ARMH3: variants seen among roughly 807,000 people sequenced by gnomAD.
ARMH3 encodes the protein armadillo like helical domain containing 3.
Under a neutral mutation model 99.1 loss-of-function variants are expected in ARMH3, and 60 were observed. The observed-to-expected ratio is 0.61, with a 90% confidence interval of 0.49 to 0.75. ARMH3 has a LOEUF of 0.75. Ranked by LOEUF, ARMH3 falls within the 30% of genes least tolerant of loss-of-function variation. The pLI is 0.00. For synonymous variants in ARMH3, 285 were observed against 292.8 expected (o/e 0.97, Z 0.27); for missense variants, 679 against 843.1 (o/e 0.81, Z 2.41).
chr10:101,995,827 G>A (rs777617459), intron 15 of ARMH3, among the ~76,000 whole-genome samples: 2 of 152,158 alleles, frequency 1.3e-5, no homozygotes, highest in East Asian at 1.9e-4. Context: ...GGAGACTAGG[G>A]TCCAGCCCAC....
At position 101,956,599 on chromosome 10, in the gene ARMH3, A is replaced by T; in HGVS notation, c.1703T>A (p.Met568Lys). 6.2e-7 allele frequency: 1 copy of T among 1,612,214 alleles called. No individual in the cohort carries two copies. The highest frequency in any genetic ancestry group is 8.5e-7 in the Non-Finnish European group (1 of 1,178,640). The change falls in exon 22 of 26, where the codon ATG becomes AAG. Residue 568 changes from methionine to lysine, a missense_variant and splice_region_variant. Met to Lys is a moderately conservative substitution (Grantham distance 95). Coordinates refer to ENST00000370033, the MANE Select transcript of ARMH3 (RefSeq NM_024541.3). ...AGTAAAAAGAAAAGGCAGCTTACCC[A>T]TGGAGTAGAGGTTGTCAAAGCTCTG... ...MHQSFDNLYS[M>K]VLRLSTNAGQ...
At chr10:101,866,840 A>G (rs941680668) in intron 24 of ARMH3, among the ~76,000 whole-genome samples, 1 of 152,234 alleles carries the variant, frequency 6.6e-6, no homozygotes, top group Non-Finnish European at 1.5e-5. Flanking sequence ...GAGGCAACAG[A>G]TGAATTTCTA....
chr10:101,999,500 C>A (rs953076003), intron 15 of ARMH3, among the ~76,000 whole-genome samples: 1 of 151,976 alleles, frequency 6.6e-6, no homozygotes, highest in African/African-American at 2.4e-5. Context: ...CCAAAAAATC[C>A]TTTTAAATAG....
intron 24 of ARMH3, among the ~76,000 whole-genome samples, chr10:101,854,613 T>G (rs2066688002): frequency 6.6e-6 from 1 of 152,178 alleles, no homozygotes; most frequent in Non-Finnish European, 1.5e-5. Context: ...AAGTGGGCAA[T>G]GTTTGGGAAG....
At chr10:101,897,009 G>C (rs749087304) in intron 23 of ARMH3, among the ~76,000 whole-genome samples, 3 of 152,196 alleles carry the variant, frequency 2.0e-5, no homozygotes, top group Non-Finnish European at 4.4e-5. Flanking sequence ...AGGATGTTGA[G>C]GGGGGTGGCA....
chr10:101,861,515 G>A (rs558584067), intron 24 of ARMH3, among the ~76,000 whole-genome samples: 4 of 152,154 alleles, frequency 2.6e-5, no homozygotes, highest in Admixed American at 6.5e-5. Flanking sequence ...GACGGATCAC[G>A]AGGGCAGGAG....
chr10:102,035,336 G>C (rs2136220046), intron 2 of ARMH3, among the ~76,000 whole-genome samples: 1 of 152,178 alleles, frequency 6.6e-6, no homozygotes, highest in African/African-American at 2.4e-5. Flanking sequence ...CTACACTCCG[G>C]CCTGGGCAAC....
At chr10:102,023,953 A>G (rs1223216885) in intron 6 of ARMH3, among the ~76,000 whole-genome samples, 1 of 152,068 alleles carries the variant, frequency 6.6e-6, no homozygotes, top group Non-Finnish European at 1.5e-5. Flanking sequence ...AAAACTTCCT[A>G]AGTCTTTGAA....
At chr10:101,886,579 C>T (rs1167712278) in intron 24 of ARMH3, among the ~76,000 whole-genome samples, 1 of 152,136 alleles carries the variant, frequency 6.6e-6, no homozygotes, top group East Asian at 1.9e-4. Context: ...AAAACTTTAT[C>T]ACGAATGATG....
At chr10:102,027,131 T>C (rs889168240) in intron 5 of ARMH3, among the ~76,000 whole-genome samples, 1 of 151,840 alleles carries the variant, frequency 6.6e-6, no homozygotes, top group African/African-American at 2.4e-5. Context: ...ATACAAAAAT[T>C]AGCTGAGTGT....
chr10:101,993,789 T>C (rs1187953279), intron 16 of ARMH3, among the ~76,000 whole-genome samples, 186 bp from the exon 17 acceptor site: 1 of 152,224 alleles, frequency 6.6e-6, no homozygotes, highest in African/African-American at 2.4e-5. Context: ...TTTAGTGTAA[T>C]TTCCCAGTGT....
chr10:101,915,137 A>G (rs1348062885), intron 23 of ARMH3, among the ~76,000 whole-genome samples: 2 of 152,280 alleles, frequency 1.3e-5, no homozygotes, highest in East Asian at 1.9e-4. Flanking sequence ...CATCTAGTAT[A>G]TCTGCATTAT....
rs750426323 is a variant in ARMH3 at position 102,023,562 on chromosome 10, A to G, written c.584T>C (p.Ile195Thr). ...INSIFEAILQILSHPPSRREH... is the reference protein window; with the variant it reads ...INSIFEAILQTLSHPPSRREH... ...CCTACGACTTGGGGGATGGGAAAGT[A>G]TCTGTAACAAGAACCAAAAATGCAT... is the stretch of plus-strand genomic sequence containing the variant. The change falls in exon 8 of 26, where the codon ATA becomes ACA. Residue 195 changes from isoleucine (I) to threonine (T), a missense_variant and splice_region_variant. Around this residue, in one of 3 missense-constraint regions of ARMH3, gnomAD observed 280 missense variants for 354.6 expected, o/e 0.79. Transcript: ENST00000370033. 1.9e-6 allele frequency: 3 copies of G among 1,613,986 alleles called. No individual in the cohort carries two copies. Among genetic ancestry groups the G allele is most frequent in the Non-Finnish European group, 2.5e-6 (3 of 1,179,910 alleles).
intron 14 of ARMH3, among the ~76,000 whole-genome samples, chr10:102,004,007 C>G (rs2066427573): frequency 6.6e-6 from 1 of 152,168 alleles, no homozygotes; most frequent in South Asian, 2.1e-4. Flanking sequence ...AGGCACCTAA[C>G]TGGTAAGTGG....
chr10:101,994,893 C>T (rs1280692344), intron 16 of ARMH3, among the ~76,000 whole-genome samples: 3 of 152,006 alleles, frequency 2.0e-5, no homozygotes, highest in Middle Eastern at 3.2e-3. Context: ...AAAAATTAGC[C>T]GGGCAAGGTG....
At chr10:102,036,682 C>G (rs898625145) in intron 2 of ARMH3, among the ~76,000 whole-genome samples, 9 of 151,972 alleles carry the variant, frequency 5.9e-5, no homozygotes, top group African/African-American at 1.2e-4. Flanking sequence ...GCAGCAGGCT[C>G]GTTAAGAGTC....
chr10:102,007,855 A>AG (rs2066539885), intron 13 of ARMH3, among the ~76,000 whole-genome samples: 1 of 149,776 alleles, frequency 6.7e-6, no homozygotes, highest in Non-Finnish European at 1.5e-5. Context: ...AAAAAAAAAA[A>AG]AGCAAAAGAG....
At chr10:102,054,900 G>A (rs1483404371) in intron 1 of ARMH3, among the ~76,000 whole-genome samples, 4 of 151,758 alleles carry the variant, frequency 2.6e-5, no homozygotes, top group South Asian at 2.1e-4. Flanking sequence ...GGGGGCTGAC[G>A]GGGAAGAATC....
intron 22 of ARMH3, among the ~76,000 whole-genome samples, chr10:101,944,271 T>TAGAGAGAGAGAGAGAG (rs1844397850): frequency 2.5e-5 from 1 of 40,038 alleles, no homozygotes; most frequent in South Asian, 1.2e-3. Context: ...TATATATATA[T>TAGAGAGAGAGAGAGAG]ATAGAGAGAG....
Sources: allele counts gnomAD v4.1 joint callset (sites outside exome capture counted in the v4.1 genomes callset), GRCh38; gene constraint gnomAD v4.1.1; regional missense constraint gnomAD v4.1.1; transcripts MANE v1.5; gene names NCBI Gene and HGNC (gene_info 2026-07-23, HGNC 2026-07-21).